Variants in CDHR4 observed in about 807,000 individuals in gnomAD.
The protein encoded by CDHR4 is cadherin related family member 4.
In CDHR4, 89 loss-of-function variants were observed where a neutral mutation model predicts 88.4. The observed-to-expected ratio is 1.01, with a 90% confidence interval of 0.85 to 1.20. The LOEUF (loss-of-function observed/expected upper bound fraction) is 1.20, where lower values mean the gene tolerates loss of function less well. CDHR4 is among the 50% of genes most tolerant of loss of function. The pLI is 0.00. For missense variants in CDHR4, 914 were observed against 1,007.2 expected (o/e 0.91, Z 1.25); for synonymous variants, 368 against 399.2 (o/e 0.92, Z 0.93).
chr3:49,795,978 C>A lies in CDHR4; in HGVS notation c.675G>T (p.Lys225Asn). Residue 225 changes from lysine to asparagine, a missense_variant, in exon 6 of 19, where the codon AAG becomes AAT. By Grantham distance (94) the Lys-to-Asn change is moderately conservative. Coordinates refer to ENST00000412678, the MANE Select transcript of CDHR4 (RefSeq NM_001007540.4). This position sits in a 1 kb window ranked among gnomAD's most constrained non-coding sequence, Gnocchi z 5.4. The part of the protein sequence containing the change: ...RQSCQGMVIV[K>N]VLPVPSSQVS... The stretch of plus-strand genomic sequence containing the variant: ...CCTGGCTGGAGGGAACAGGCAAAAC[C>A]TTCACTATCACCATCCCTTGGCAGC... The A allele has an allele frequency of 6.5e-7, 1 of 1,545,404 alleles. No homozygotes were observed. The highest frequency in any genetic ancestry group is 8.7e-7 in the Non-Finnish European group (1 of 1,144,442).
In CDHR4 at chr3:49,799,822, A is replaced by G. The variant is rs772166764; in HGVS notation, c.-10T>C. 4 of 1,613,868 alleles carry G rather than the reference A, an allele frequency of 2.5e-6. No homozygotes were observed. Among genetic ancestry groups the G allele is most frequent in the Non-Finnish European group, 3.4e-6 (4 of 1,179,802 alleles). On this transcript the variant is annotated 5_prime_UTR_variant, in exon 1 of 19. Transcript: ENST00000412678. ...GCCTGAGCAGCACCATGATGACCTG[A>G]AGACACAGACAGCAGAGGAGGCTTC...
Position 49,794,631 on chromosome 3 carries a change from T to TCA in CDHR4, c.1255_1256insTG (p.Asp419ValfsTer8), listed in dbSNP as rs768148707. The stretch of plus-strand genomic sequence containing the variant: ...ACTGGTCATCTGGGGCTGGCCACCA[T>TCA]CGAGCACCAGGATGGAGGCTGCATG... On this transcript the variant is annotated frameshift_variant, in exon 10 of 19. Coordinates refer to ENST00000412678, the MANE Select transcript of CDHR4 (RefSeq NM_001007540.4). LOFTEE classifies it high-confidence loss of function. 3.9e-6 allele frequency: 6 copies of TCA among 1,550,956 alleles called. No individual in the cohort carries two copies. Among genetic ancestry groups the TCA allele is most frequent in the Non-Finnish European group, 5.2e-6 (6 of 1,146,842 alleles).
Position 49,799,086 on chromosome 3 carries a change from G to GT in CDHR4, c.310dup (p.Thr104AsnfsTer20), listed in dbSNP as rs763764126. 6 of 1,579,600 alleles carry GT rather than the reference G, an allele frequency of 3.8e-6. No homozygotes were observed. In the African/African-American group the frequency reaches 8.1e-5, roughly 21 times the overall value. ...GCCCTCCATCACATGGTTGCCACAT[G>GT]TGAACTTCAGCTGCACCTTGTAGTG... On this transcript the variant is annotated frameshift_variant, in exon 3 of 19. Coordinates refer to ENST00000412678, the MANE Select transcript of CDHR4 (RefSeq NM_001007540.4). LOFTEE classifies it high-confidence loss of function.
chr3:49,791,100 A>C (rs1349199199), intron 18 of CDHR4, among the ~76,000 whole-genome samples: 1 of 152,152 alleles, frequency 6.6e-6, no homozygotes, highest in Non-Finnish European at 1.5e-5. Flanking sequence ...TTGATTCTCC[A>C]ACACTGGACA....
chr3:49,792,792 G>A lies in CDHR4; in HGVS notation c.1995+62C>T. On this transcript the variant is annotated intron_variant, in intron 14 of 18. Coordinates refer to ENST00000412678, the MANE Select transcript of CDHR4 (RefSeq NM_001007540.4). ...CCCATAGTTCCACCTGAAAAACTGG[G>A]TCTCCTCACTCTCCAAGGTCCACCC... 2.7e-6 allele frequency: 4 copies of A among 1,473,192 alleles called. No homozygotes were observed. The South Asian group carries it at 4.1e-5, about 15-fold the overall frequency. 91.3% of individuals were successfully genotyped at this position (1,473,192 alleles called of 1,614,324 possible).
rs1240613172 is a variant in CDHR4, at chr3:49,798,884, G to T, written c.437C>A (p.Thr146Lys). The T allele has an allele frequency of 1.2e-6, 2 of 1,613,892 alleles. No homozygotes were observed. Among genetic ancestry groups the T allele is most frequent in the Non-Finnish European group, 1.7e-6 (2 of 1,179,854 alleles). ...CAGAGTGTACAGCCGAGCCCCAGGT[G>T]TGACTGTCTCTGGCACCTGAATCAT... ...GEMIQVPETV[T>K]PGARLYTLLL... is the part of the protein sequence containing the mutation. Residue 146 changes from threonine (T) to lysine (K), a missense_variant, in exon 4 of 19, where the codon ACA (threonine) becomes AAA (lysine). Thr to Lys is a moderately conservative substitution (Grantham distance 78, BLOSUM62 -1). Coordinates refer to ENST00000412678, the MANE Select transcript of CDHR4 (RefSeq NM_001007540.4).
rs772835403 is a variant in CDHR4 at position 49,794,697 on chromosome 3, T to A, written c.1190A>T (p.Asn397Ile). The change falls in exon 10 of 19, where the codon AAT becomes ATT. Residue 397 changes from asparagine to isoleucine, a missense_variant. Asn to Ile is a moderately radical substitution (Grantham distance 149). Transcript: ENST00000412678. ...AGGAGTGTCACAGTCCAGTGTGGCA[T>A]TCACCTAGCCAAAGGGGCTAGAAAG... is the stretch of plus-strand genomic sequence containing the variant. ...LCLYDRVLEV[N>I]ATLDCDTPGA... 3 of 1,550,814 alleles carry A rather than the reference T, an allele frequency of 1.9e-6. No individual in the cohort carries two copies. Among genetic ancestry groups the A allele is most frequent in the Non-Finnish European group, 2.6e-6 (3 of 1,146,494 alleles).
rs2081197253 is a variant in CDHR4 at position 49,792,578 on chromosome 3, T to G, written c.2028A>C (p.Thr676=). The change falls in exon 15 of 19, where the codon ACA becomes ACC. Residue 676 remains threonine (T), a synonymous_variant. Coordinates refer to ENST00000412678, the MANE Select transcript of CDHR4 (RefSeq NM_001007540.4). ...GTGGCTGCCAGAAAGCCTCTGTGTC[T>G]GTCACGAGCATGGGTGTCATCGTTG... The part of the protein sequence containing the change: ...VPSTMTPMLV[T]DTEAFWQPQP... 6.4e-7 allele frequency: 1 copy of G among 1,551,558 alleles called. No homozygotes were observed. Among genetic ancestry groups the G allele is most frequent in the Admixed American group, 2.0e-5 (1 of 50,970 alleles).
chr3:49,795,656 C>T lies in CDHR4; in HGVS notation c.819G>A (p.Val273=). 1 of 1,551,694 alleles carries T rather than the reference C, an allele frequency of 6.4e-7. No homozygotes were observed. Among genetic ancestry groups the T allele is most frequent in the Middle Eastern group, 1.7e-4 (1 of 5,992 alleles). Residue 273 remains valine (V), a synonymous_variant, in exon 7 of 19, where the codon GTG becomes GTA. Coordinates refer to ENST00000412678, the MANE Select transcript of CDHR4 (RefSeq NM_001007540.4). This position sits in a 1 kb window ranked among gnomAD's most constrained non-coding sequence, Gnocchi z 5.4. ...VDLRYEILSP[V]PSPLFSIGRA... ...GACCAATGGAGAAGAGTGGGCTGGG[C>T]ACCGGAGACAGGATTTCATAGCGCA...
In CDHR4 at chr3:49,794,622, TG is replaced by T; in HGVS notation, c.1264del (p.Gln422SerfsTer4). ...AASILVLDGG[Q>X]PQMTTEVPVL... ...TGGTCACTCACTGGTCATCTGGGGC[TG>T]GCCACCATCGAGCACCAGGATGGAG... On this transcript the variant is annotated frameshift_variant, in exon 10 of 19. Coordinates refer to ENST00000412678, the MANE Select transcript of CDHR4 (RefSeq NM_001007540.4). LOFTEE classifies it high-confidence loss of function. The T allele has an allele frequency of 6.4e-7, 1 of 1,550,864 alleles. No individual in the cohort carries two copies. Among genetic ancestry groups the T allele is most frequent in the Non-Finnish European group, 8.7e-7 (1 of 1,146,776 alleles).
chr3:49,798,901 C>G lies in CDHR4; in HGVS notation c.420G>C (p.Gln140His), dbSNP rs749747849. The G allele has an allele frequency of 6.2e-7, 1 of 1,613,712 alleles. No individual in the cohort carries two copies. The highest frequency in any genetic ancestry group is 1.1e-5 in the South Asian group (1 of 90,990). ...CCCCAGGTGTGACTGTCTCTGGCAC[C>G]TGAATCATTTCCCCAGCTGGCCAGA... ...QFASPAGEMI[Q>H]VPETVTPGAR... is the part of the protein sequence containing the mutation. Residue 140 changes from glutamine to histidine, a missense_variant, in exon 4 of 19, where the codon CAG becomes CAC. Coordinates refer to ENST00000412678, the MANE Select transcript of CDHR4 (RefSeq NM_001007540.4).
At chr3:49,802,118 T>TCTTCTTCTC (rs550431609), upstream of CDHR4, among the ~76,000 whole-genome samples, 1 of 152,008 alleles carries the variant, frequency 6.6e-6, no homozygotes, top group African/African-American at 2.4e-5. Flanking sequence ...CCTAGAATGT[T>TCTTCTTCTC]CTTCTTCTCC....
rs1416700544 is a variant in CDHR4 at position 49,792,812 on chromosome 3, C to G, written c.1995+42G>C. 3 of 1,495,142 alleles carry G rather than the reference C, an allele frequency of 2.0e-6. No homozygotes were observed. The African/African-American group carries it at 4.2e-5, about 21-fold the overall frequency. 92.6% of individuals were successfully genotyped at this position (1,495,142 alleles called of 1,614,324 possible). A position where few individuals can be genotyped will look rare whatever the true frequency, so the allele number is the denominator to read the frequency against. On this transcript the variant is annotated intron_variant, in intron 14 of 18. Transcript: ENST00000412678. ...ACTGGGTCTCCTCACTCTCCAAGGT[C>G]CACCCTTCCCACCCTGCTGAGGGCC...
rs2108276932 is a variant in CDHR4 at position 49,792,851 on chromosome 3, C to T, written c.1995+3G>A. The stretch of plus-strand genomic sequence containing the variant: ...CTGCTGAGGGCCCAAGGAGCCTCCT[C>T]ACTGTGGTTCTGTGGGTGCTGGTGG... On this transcript the variant is annotated splice_donor_region_variant and intron_variant, in intron 14 of 18. Coordinates refer to ENST00000412678, the MANE Select transcript of CDHR4 (RefSeq NM_001007540.4). 6.5e-7 allele frequency: 1 copy of T among 1,531,200 alleles called. No individual in the cohort carries two copies. Among genetic ancestry groups the T allele is most frequent in the East Asian group, 2.5e-5 (1 of 40,558 alleles). The allele number at this position is 1,531,200 out of a possible 1,614,324, so 94.9% of individuals were successfully genotyped here.
Position 49,794,632 on chromosome 3 carries a change from C to T in CDHR4, c.1255G>A (p.Asp419Asn), listed in dbSNP as rs1458398176. Residue 419 changes from aspartate to asparagine, a missense_variant, in exon 10 of 19, where the codon GAT (aspartate) becomes AAT (asparagine). Transcript: ENST00000412678. ...FQHAASILVL[D>N]GGQPQMTTEV... is the part of the protein sequence containing the mutation. ...CTGGTCATCTGGGGCTGGCCACCAT[C>T]GAGCACCAGGATGGAGGCTGCATGC... 3.9e-6 allele frequency: 6 copies of T among 1,550,902 alleles called. No homozygotes were observed. Among genetic ancestry groups the T allele is most frequent in the African/African-American group, 2.7e-5 (2 of 72,990 alleles).
At chr3:49,794,268 G>A (rs1222866481) in intron 10 of CDHR4, among the ~76,000 whole-genome samples, 1 of 152,118 alleles carries the variant, frequency 6.6e-6, no homozygotes, top group Non-Finnish European at 1.5e-5. Flanking sequence ...CGTGGTGGCC[G>A]GCACCTGTAG....
rs2081256766 is a variant in CDHR4 at position 49,795,479 on chromosome 3, T to C, written c.848-100A>G. The stretch of plus-strand genomic sequence containing the variant: ...CACTCCTGCCAGCCCACCAGATCCA[T>C]AGGCAAAGGAGGCCGCTGAGCCTGG... On this transcript the variant is annotated intron_variant, in intron 7 of 18. Coordinates refer to ENST00000412678, the MANE Select transcript of CDHR4 (RefSeq NM_001007540.4). The surrounding 1 kb of genome is among the most constrained non-coding windows in gnomAD (Gnocchi z 5.4). 18 of 1,495,502 alleles carry C rather than the reference T, an allele frequency of 1.2e-5. No homozygotes were observed. Among genetic ancestry groups the C allele is most frequent in the African/African-American group, 1.4e-5 (1 of 72,154 alleles). 92.6% of individuals were successfully genotyped at this position (1,495,502 alleles called of 1,614,324 possible). A position where few individuals can be genotyped will look rare whatever the true frequency, so the allele number is the denominator to read the frequency against.
At chr3:49,794,038 C>T (rs1396634031) in intron 10 of CDHR4, 32 bp from the exon 11 acceptor site, 1 of 1,545,680 alleles carries the variant, frequency 6.5e-7, no homozygotes, top group Admixed American at 2.0e-5. Context: ...AGGAGCTGGC[C>T]TGGGGTAACT....
Position 49,793,942 on chromosome 3 carries a change from G to A in CDHR4, c.1344C>T (p.Arg448=), listed in dbSNP as rs1234408480. The A allele has an allele frequency of 6.4e-7, 1 of 1,551,666 alleles. No individual in the cohort carries two copies. The highest frequency in any genetic ancestry group is 1.2e-5 in the South Asian group (1 of 84,074). Residue 448 remains arginine (R), a synonymous_variant, in exon 11 of 19, where the codon CGC becomes CGT. Transcript: ENST00000412678. ...INEFSPACAP[R]TFRVQEDAAP... ...CCGCATCCTCCTGAACCCGGAACGT[G>A]CGAGGGGCACAGGCTGGGGAGAACT... is the stretch of plus-strand genomic sequence containing the variant.
Sources: allele counts gnomAD v4.1 joint callset (sites outside exome capture counted in the v4.1 genomes callset), GRCh38; gene constraint gnomAD v4.1.1; non-coding constraint Gnocchi (gnomAD v3.1); transcripts MANE v1.5; gene names NCBI Gene and HGNC (gene_info 2026-07-23, HGNC 2026-07-21).